MAML2: variants seen among roughly 807,000 people sequenced by gnomAD.
MAML2 encodes mastermind like transcriptional coactivator 2.
In MAML2, 22 loss-of-function variants were observed where a neutral mutation model predicts 96.1. That is an observed-to-expected ratio of 0.23 (90% CI 0.16 to 0.33). MAML2 has a LOEUF of 0.33. Ranked by LOEUF, MAML2 falls within the 10% of genes least tolerant of loss-of-function variation. The pLI is 1.00. For missense variants in MAML2, 1,367 were observed against 1,392.4 expected (o/e 0.98, Z 0.29); for synonymous variants, 561 against 521.3 (o/e 1.08, Z -1.04).
In MAML2 at chr11:95,985,598, C is replaced by G; in HGVS notation, c.2388G>C (p.Arg796Ser). Reference sequence around the variant, plus strand: ...TTTGGTCTTTATAATCTGGAGGTGGCCTTGACAAATGTCGGTTTATCTGAT... The same window carrying G: ...TTTGGTCTTTATAATCTGGAGGTGGGCTTGACAAATGTCGGTTTATCTGAT... ...PQDQINRHLSRPPPDYKDQRR... is the reference protein window; with the variant it reads ...PQDQINRHLSSPPPDYKDQRR... The change falls in exon 4 of 5, where the codon AGG becomes AGC. Residue 796 changes from arginine (R) to serine (S), a missense_variant. By Grantham distance (110) the Arg-to-Ser change is moderately radical. Transcript: ENST00000524717. 6.2e-7 allele frequency: 1 copy of G among 1,612,630 alleles called. No individual in the cohort carries two copies. The highest frequency in any genetic ancestry group is 8.5e-7 in the Non-Finnish European group (1 of 1,179,176).
At chr11:96,300,529 T>A (rs925420123) in intron 1 of MAML2, among the ~76,000 whole-genome samples, 1 of 151,792 alleles carries the variant, frequency 6.6e-6, no homozygotes, top group Admixed American at 6.6e-5. Context: ...CTGACAGGAG[T>A]AAAAGGAGAG....
intron 1 of MAML2, among the ~76,000 whole-genome samples, chr11:96,220,974 T>C (rs1862128636): frequency 6.6e-6 from 1 of 152,202 alleles, no homozygotes; most frequent in Admixed American, 6.5e-5. Context: ...CCCAGTGCCT[T>C]TTTCATAACA....
intron 1 of MAML2, among the ~76,000 whole-genome samples, chr11:96,172,650 AT>A (rs1861315577): frequency 6.6e-6 from 1 of 152,228 alleles, no homozygotes; most frequent in Non-Finnish European, 1.5e-5. Context: ...AGTGGAATAA[AT>A]TTCATATGAA....
At chr11:96,335,306 A>G (rs1009662861) in intron 1 of MAML2, among the ~76,000 whole-genome samples, 1 of 152,232 alleles carries the variant, frequency 6.6e-6, no homozygotes, top group Non-Finnish European at 1.5e-5. Context: ...TACCTTTTCC[A>G]CATTAGTATA....
rs189157063 is a variant in MAML2, at chr11:96,149,052, C to T, written c.514-55535G>A. Among the ~76,000 whole-genome samples, 337 of 152,258 alleles carry T rather than the reference C, an allele frequency of 2.2e-3. 1 individual carries two copies. The highest frequency in any genetic ancestry group is 3.8e-3 in the Non-Finnish European group (256 of 68,018). On this transcript the variant is annotated intron_variant, in intron 1 of 4. Coordinates refer to ENST00000524717, the MANE Select transcript of MAML2 (RefSeq NM_032427.4). ...GGTTCCAGTAGCCCTCTGTGACGAA[C>T]ATTGCCTTCCACTGTGACATGCAAC...
intron 2 of MAML2, among the ~76,000 whole-genome samples, chr11:96,048,498 T>C (rs1054972376): frequency 6.6e-6 from 1 of 152,222 alleles, no homozygotes; most frequent in Non-Finnish European, 1.5e-5. Context: ...GAAAATGATT[T>C]TAAATTAAAA....
At chr11:96,191,637 TGG>T (rs1861654847) in intron 1 of MAML2, among the ~76,000 whole-genome samples, 1 of 151,376 alleles carries the variant, frequency 6.6e-6, no homozygotes, top group Admixed American at 6.6e-5. Flanking sequence ...CCGGGCATGG[TGG>T]CGGGCGCCGG....
At chr11:96,127,591 G>A (rs1216570614) in intron 1 of MAML2, among the ~76,000 whole-genome samples, 2 of 152,192 alleles carry the variant, frequency 1.3e-5, no homozygotes, top group African/African-American at 4.8e-5. Context: ...ATTTAAATAT[G>A]TTTTAGTGAC....
At chr11:96,017,878 C>A (rs1297732953) in intron 2 of MAML2, among the ~76,000 whole-genome samples, 3 of 152,148 alleles carry the variant, frequency 2.0e-5, no homozygotes, top group Non-Finnish European at 4.4e-5. Flanking sequence ...TCGTAGGCAA[C>A]TGTCAGAACT....
chr11:96,205,842 G>T (rs1271439907), intron 1 of MAML2, among the ~76,000 whole-genome samples: 1 of 152,182 alleles, frequency 6.6e-6, no homozygotes, highest in Non-Finnish European at 1.5e-5. Flanking sequence ...CCTTTGGAAA[G>T]ATTCCCGTCT....
At chr11:96,230,991 T>C (rs549528703) in intron 1 of MAML2, among the ~76,000 whole-genome samples, 52 of 152,248 alleles carry the variant, frequency 3.4e-4, no homozygotes, top group Non-Finnish European at 6.9e-4. Context: ...GTGAAAGATA[T>C]GTCTTGTGAC....
At chr11:96,289,492 G>A (rs965337922) in intron 1 of MAML2, among the ~76,000 whole-genome samples, 2 of 152,132 alleles carry the variant, frequency 1.3e-5, no homozygotes, top group African/African-American at 4.8e-5. Context: ...TTGAAATAGA[G>A]TCCAGATTTT....
chr11:96,243,059 T>TA (rs1025161465), intron 1 of MAML2, among the ~76,000 whole-genome samples: 2 of 150,456 alleles, frequency 1.3e-5, no homozygotes, highest in Admixed American at 1.3e-4. Context: ...CACATACACA[T>TA]ACACACACAC....
In MAML2 at chr11:96,091,968, T is replaced by C. The variant is rs372293669; in HGVS notation, c.2063A>G (p.Gln688Arg). The C allele has an allele frequency of 7.5e-5, 120 of 1,608,866 alleles. No individual in the cohort carries two copies. Among genetic ancestry groups the C allele is most frequent in the Non-Finnish European group, 9.5e-5 (112 of 1,177,586 alleles). ...CTGCATTTGCTGAAGTAGGAGCTTT[T>C]GCTGAAGTGGCAAAGGTGACCTTAG... ...PLLRSPLPLQ[Q>R]KLLLQQMQNQ... The change falls in exon 2 of 5, where the codon CAA (glutamine) becomes CGA (arginine). Residue 688 changes from glutamine to arginine, a missense_variant. Physicochemically the swap from Gln to Arg is conservative, Grantham distance 43. Transcript: ENST00000524717.
At chr11:96,253,514 T>C (rs1040913136) in intron 1 of MAML2, among the ~76,000 whole-genome samples, 1 of 152,226 alleles carries the variant, frequency 6.6e-6, no homozygotes, top group Non-Finnish European at 1.5e-5. Flanking sequence ...AAGCAGCTAA[T>C]GTTGTTACTT....
At chr11:96,074,278 C>T (rs990609591) in intron 2 of MAML2, among the ~76,000 whole-genome samples, 17 of 152,162 alleles carry the variant, frequency 1.1e-4, no homozygotes, top group African/African-American at 2.2e-4. Flanking sequence ...GTGTGGCTTT[C>T]GATAAGCTCA....
chr11:96,200,745 A>T (rs912148189), intron 1 of MAML2, among the ~76,000 whole-genome samples: 2 of 152,154 alleles, frequency 1.3e-5, no homozygotes, highest in Non-Finnish European at 2.9e-5. Flanking sequence ...GTGGGGGGAT[A>T]CGGGTGGAGA....
chr11:96,174,877 T>C lies in MAML2; in HGVS notation c.514-81360A>G, dbSNP rs186002945. 1.7e-4 allele frequency among the ~76,000 whole-genome samples: 26 copies of C among 152,358 alleles called. 1 individual carries two copies. Among genetic ancestry groups the C allele is most frequent in the Middle Eastern group, 6.8e-3 (2 of 294 alleles). ...GCCACTATTTCCCTCTGACAGTGGA[T>C]CTGTTTTAAGGGACATCTTCTTGTC... On this transcript the variant is annotated intron_variant, in intron 1 of 4. Coordinates refer to ENST00000524717, the MANE Select transcript of MAML2 (RefSeq NM_032427.4).
At chr11:96,243,732 CA>C (rs1039863970) in intron 1 of MAML2, among the ~76,000 whole-genome samples, 1 of 149,934 alleles carries the variant, frequency 6.7e-6, no homozygotes, top group African/African-American at 2.5e-5. Context: ...TGTCTCACTG[CA>C]AGCTCCGCCT....
Sources: gnomAD v4.1 joint callset for allele counts (sites outside exome capture counted in the v4.1 genomes callset) on GRCh38, gnomAD v4.1.1 for gene constraint, MANE v1.5 for transcripts, NCBI Gene and HGNC (gene_info 2026-07-23, HGNC 2026-07-21) for gene names.